Variants in ERI3 observed in about 807,000 individuals in gnomAD.
ERI3 encodes the protein ERI1 exoribonuclease 3.
In ERI3, 18 loss-of-function variants were observed where a neutral mutation model predicts 44.4. The ratio of observed to expected loss-of-function variants is 0.41; its 90% confidence interval spans 0.28 to 0.60. The LOEUF is 0.60. Ranked by LOEUF, ERI3 falls within the 20% of genes least tolerant of loss-of-function variation. The probability of loss-of-function intolerance (pLI) is 0.36; values close to 1 mark genes in which losing one functional copy is unlikely to be tolerated. For synonymous variants in ERI3, 183 were observed against 164.8 expected, an observed-to-expected ratio of 1.11 and a Z score of -0.84; for missense variants, 294 against 435.5, an observed-to-expected ratio of 0.68 and a Z score of 2.89.
At chr1:44,266,152 AAGGCACTTGATAT>A (rs1377662319) in intron 7 of ERI3, among the ~76,000 whole-genome samples, 7 of 152,204 alleles carry the variant, frequency 4.6e-5, no homozygotes, top group African/African-American at 1.2e-4. Flanking sequence ...TAGCTTTCTG[AAGGCACTTGATAT>A]AGGCACTTGA....
intron 2 of ERI3, among the ~76,000 whole-genome samples, chr1:44,340,932 T>G (rs1646640132): frequency 6.6e-6 from 1 of 152,196 alleles, no homozygotes; most frequent in Non-Finnish European, 1.5e-5. Flanking sequence ...TATTCCTGAA[T>G]AGTACTGGAA....
chr1:44,234,459 C>T (rs1435452711), intron 8 of ERI3, among the ~76,000 whole-genome samples: 2 of 151,860 alleles, frequency 1.3e-5, no homozygotes, highest in Non-Finnish European at 2.9e-5. Flanking sequence ...GTCAGGATTT[C>T]GAGACCAGCC....
intron 2 of ERI3, 93 bp downstream of exon 2, chr1:44,352,757 A>G (rs529812328): frequency 7.2e-7 from 1 of 1,396,904 alleles, no homozygotes; most frequent in East Asian, 2.3e-5. Flanking sequence ...GGGAAAAAAA[A>G]TACAATCTGC....
At chr1:44,239,091 T>C (rs1644376502) in intron 8 of ERI3, among the ~76,000 whole-genome samples, 1 of 151,380 alleles carries the variant, frequency 6.6e-6, no homozygotes, top group African/African-American at 2.4e-5. Context: ...TAGGCTTATT[T>C]CCTAGGGTGG....
chr1:44,310,963 G>GCGCGCGCGCGCGCGCACACACA (rs1373873768), intron 5 of ERI3, among the ~76,000 whole-genome samples: 37 of 123,252 alleles, frequency 3.0e-4, no homozygotes, highest in Non-Finnish European at 5.2e-4. Context: ...GCGCGCGCGC[G>GCGCGCGCGCGCGCGCACACACA]CACACACACA....
intron 2 of ERI3, among the ~76,000 whole-genome samples, chr1:44,342,826 T>TATATATAAAA (rs1553201340): frequency 2.3e-4 from 4 of 17,290 alleles, no homozygotes; most frequent in Admixed American, 7.5e-4. Context: ...TATATATATA[T>TATATATAAAA]ATATATATAT....
At chr1:44,285,251 T>C (rs1645369700) in intron 6 of ERI3, among the ~76,000 whole-genome samples, 1 of 152,190 alleles carries the variant, frequency 6.6e-6, no homozygotes, top group Admixed American at 6.5e-5. Context: ...TTGTCTACAT[T>C]TTACAGACGA....
chr1:44,319,875 G>T, intron 3 of ERI3, 131 bp from the exon 4 acceptor site: 1 of 677,636 alleles, frequency 1.5e-6, no homozygotes, highest in Non-Finnish European at 2.6e-6. Context: ...CTCCTGCCAG[G>T]CCAAACCCAA....
chr1:44,246,198 A>G (rs998013373), intron 8 of ERI3, among the ~76,000 whole-genome samples: 2 of 152,150 alleles, frequency 1.3e-5, no homozygotes. Context: ...CACTCTAGTC[A>G]TGGGAAGCTT....
intron 5 of ERI3, among the ~76,000 whole-genome samples, chr1:44,311,593 G>C (rs1572249673): frequency 6.6e-6 from 1 of 152,238 alleles, no homozygotes; most frequent in East Asian, 1.9e-4. Flanking sequence ...GGCTGGCCTA[G>C]GGTTAACAGG....
At chr1:44,320,034 A>G (rs1182187658) in intron 3 of ERI3, among the ~76,000 whole-genome samples, 1 of 152,094 alleles carries the variant, frequency 6.6e-6, no homozygotes, top group East Asian at 1.9e-4. Flanking sequence ...AGTTTCTCCA[A>G]CTGGTTCTCT....
intron 6 of ERI3, among the ~76,000 whole-genome samples, chr1:44,291,377 G>A (rs1645504163): frequency 6.6e-6 from 1 of 152,154 alleles, no homozygotes; most frequent in South Asian, 2.1e-4. Context: ...GCCTTTAGTC[G>A]GGATAGGAAT....
At chr1:44,308,143 C>G (rs1645878809) in intron 6 of ERI3, among the ~76,000 whole-genome samples, 167 bp downstream of exon 6, 1 of 152,188 alleles carries the variant, frequency 6.6e-6, no homozygotes, top group Non-Finnish European at 1.5e-5. Flanking sequence ...CACCCTGCTC[C>G]AGAGAGGCAG....
chr1:44,262,383 C>T (rs1344377091), intron 7 of ERI3, among the ~76,000 whole-genome samples: 4 of 152,224 alleles, frequency 2.6e-5, no homozygotes, highest in Non-Finnish European at 5.9e-5. Flanking sequence ...ATTAACCTTC[C>T]TTCTCCGGGC....
At chr1:44,335,776 C>CAAAA (rs58557158) in intron 3 of ERI3, among the ~76,000 whole-genome samples, 1 of 72,798 alleles carries the variant, frequency 1.4e-5, no homozygotes, top group Non-Finnish European at 2.9e-5. Flanking sequence ...AACTCCATCT[C>CAAAA]AAAAAAAAAA....
At chr1:44,250,400 G>A (rs1644652055) in intron 7 of ERI3, among the ~76,000 whole-genome samples, 1 of 152,180 alleles carries the variant, frequency 6.6e-6, no homozygotes, top group Non-Finnish European at 1.5e-5. Context: ...ACCGTGATTA[G>A]ATTATTATTG....
intron 7 of ERI3, among the ~76,000 whole-genome samples, chr1:44,278,632 C>T (rs2982536): frequency 0.7 from 106,403 of 152,152 alleles, 38,200 homozygotes; most frequent in African/African-American, 0.87. Flanking sequence ...AGTCTCGCTC[C>T]GTTGCCTAGC....
intron 7 of ERI3, among the ~76,000 whole-genome samples, chr1:44,254,097 T>C (rs1644735555): frequency 6.6e-6 from 1 of 152,230 alleles, no homozygotes; most frequent in Admixed American, 6.5e-5. Flanking sequence ...GCTTCTAGAC[T>C]ATTCTTCCTC....
At chr1:44,347,543 C>T (rs1179319338) in intron 2 of ERI3, among the ~76,000 whole-genome samples, 1 of 152,200 alleles carries the variant, frequency 6.6e-6, no homozygotes, top group East Asian at 1.9e-4. Flanking sequence ...CAAATTATGA[C>T]TCCTTCCTTA....
Sources: allele counts gnomAD v4.1 joint callset (sites outside exome capture counted in the v4.1 genomes callset), GRCh38; gene constraint gnomAD v4.1.1; transcripts MANE v1.5; gene names NCBI Gene and HGNC (gene_info 2026-07-23, HGNC 2026-07-21).